Variants in PRDM16 observed in about 807,000 individuals in gnomAD.
PRDM16 encodes the protein histone-lysine N-methyltransferase PRDM16.
Under a neutral mutation model 110.6 loss-of-function variants are expected in PRDM16, and 23 were observed. The ratio of observed to expected loss-of-function variants is 0.21; its 90% CI spans 0.15 to 0.29. The LOEUF (loss-of-function observed/expected upper bound fraction) is 0.29. PRDM16 is among the 10% of genes least tolerant of loss of function. The pLI, the probability that PRDM16 is intolerant of heterozygous loss-of-function variation, is 1.00. For missense variants in PRDM16, 1,615 were observed against 1,794.3 expected (o/e 0.90, Z 1.81); for synonymous variants, 799 against 781.8 (o/e 1.02, Z -0.37).
chr1:3,201,610 C>T lies in PRDM16; in HGVS notation c.387+15136C>T, dbSNP rs556258327. Among the ~76,000 whole-genome samples the T allele has an allele frequency of 5.9e-5, 9 of 152,272 alleles. No individual in the cohort carries two copies. Among genetic ancestry groups the T allele is most frequent in the South Asian group, 2.1e-4 (1 of 4,822 alleles). ...GACTTTTTGCCCCTGAGCATGGCCT[C>T]GGGGGCTGGGAGCCCCGGCTCTGAC... On this transcript the variant is annotated intron_variant, in intron 2 of 16. Coordinates refer to ENST00000270722, the MANE Select transcript of PRDM16 (RefSeq NM_022114.4). This position sits in a 1 kb window ranked among gnomAD's most constrained non-coding sequence, Gnocchi z 4.1.
intron 1 of PRDM16, among the ~76,000 whole-genome samples, chr1:3,114,199 G>GCACGCGCGCA (rs1553127282): frequency 9.1e-6 from 1 of 110,356 alleles, no homozygotes; most frequent in East Asian, 3.4e-4. Context: ...ACACGCACAC[G>GCACGCGCGCA]CACGCACACA....
chr1:3,095,681 A>C (rs1289600394), intron 1 of PRDM16, among the ~76,000 whole-genome samples: 2 of 151,960 alleles, frequency 1.3e-5, no homozygotes, highest in East Asian at 3.9e-4. Flanking sequence ...GCAGCCTCAC[A>C]GTGTGTGCCG....
At chr1:3,159,681 G>C (rs1321178247) in intron 1 of PRDM16, among the ~76,000 whole-genome samples, 1 of 152,216 alleles carries the variant, frequency 6.6e-6, no homozygotes, top group Non-Finnish European at 1.5e-5. Flanking sequence ...CAGTGTGTAG[G>C]AGGAAGAAGT....
chr1:3,181,114 C>CCTTACACACGCAGTCTTACACGCGGT (rs1420035551), intron 1 of PRDM16, among the ~76,000 whole-genome samples: 1 of 76,576 alleles, frequency 1.3e-5, no homozygotes, highest in Admixed American at 1.4e-4. Flanking sequence ...TTACACGCGG[C>CCTTACACACGCAGTCTTACACGCGGT]CTTACACACG....
At chr1:3,304,373 T>C (rs925330961) in intron 3 of PRDM16, among the ~76,000 whole-genome samples, 2 of 152,208 alleles carry the variant, frequency 1.3e-5, no homozygotes, top group African/African-American at 4.8e-5. Context: ...TAGAAGGCAA[T>C]CTTCCAGTCA....
intron 2 of PRDM16, among the ~76,000 whole-genome samples, chr1:3,242,266 C>G (rs1376677451): frequency 6.6e-6 from 1 of 152,226 alleles, no homozygotes; most frequent in Admixed American, 6.5e-5. Flanking sequence ...CAAACAGCAT[C>G]TCACTCCTCG....
At chr1:3,280,418 C>G (rs1020316627) in intron 3 of PRDM16, among the ~76,000 whole-genome samples, 8 of 152,226 alleles carry the variant, frequency 5.3e-5, no homozygotes, top group African/African-American at 1.9e-4. Flanking sequence ...TGTTTGCACA[C>G]AGAGGAAGTG....
At chr1:3,278,837 A>C (rs2100318856) in intron 3 of PRDM16, among the ~76,000 whole-genome samples, 1 of 152,318 alleles carries the variant, frequency 6.6e-6, no homozygotes, top group African/African-American at 2.4e-5. Flanking sequence ...GGGCAGCGGA[A>C]CAAAGCACAA....
At chr1:3,162,898 C>T in intron 1 of PRDM16, among the ~76,000 whole-genome samples, 1 of 137,272 alleles carries the variant, frequency 7.3e-6, no homozygotes, top group African/African-American at 2.9e-5. Flanking sequence ...TGCGCAGAAG[C>T]CCCTGGCATG....
intron 1 of PRDM16, among the ~76,000 whole-genome samples, chr1:3,089,694 G>C (rs1345200915): frequency 6.6e-6 from 1 of 152,238 alleles, no homozygotes; most frequent in Non-Finnish European, 1.5e-5. Flanking sequence ...CTCTGGTCTG[G>C]CATTGTCGAA....
At position 3,190,678 on chromosome 1, in the gene PRDM16, C is replaced by G. The variant is rs144988286; in HGVS notation, c.387+4204C>G. On this transcript the variant is annotated intron_variant, in intron 2 of 16. Transcript: ENST00000270722. This position sits in a 1 kb window ranked among gnomAD's most constrained non-coding sequence, Gnocchi z 5.0. ...ATTCCTGGCCTCCTCCATCTGGACA[C>G]AGCCGGGCTCAGTCTCTTCCCAAAT... 2.2e-3 allele frequency among the ~76,000 whole-genome samples: 340 copies of G among 152,306 alleles called. 1 individual carries two copies. Among genetic ancestry groups the G allele is most frequent in the African/African-American group, 7.8e-3 (326 of 41,576 alleles).
At chr1:3,396,236 T>C (rs186777928) in intron 4 of PRDM16, 4 of 541,840 alleles carry the variant, frequency 7.4e-6, no homozygotes, top group Middle Eastern at 5.6e-4. Flanking sequence ...GGAACTTTCA[T>C]GTGGATCCTA....
intron 3 of PRDM16, among the ~76,000 whole-genome samples, chr1:3,302,508 T>TAA (rs35595493): frequency 0.22 from 32,763 of 151,056 alleles, 3,881 homozygotes; most frequent in East Asian, 0.55. Flanking sequence ...ATCCATTTGT[T>TAA]AAAAAAAAAA....
chr1:3,141,979 C>G (rs576638173), intron 1 of PRDM16, among the ~76,000 whole-genome samples: 1 of 152,268 alleles, frequency 6.6e-6, no homozygotes, highest in Non-Finnish European at 1.5e-5. Flanking sequence ...TGGTGCACCG[C>G]GTTTCCGAAA....
At chr1:3,268,615 T>C (rs781349390) in intron 3 of PRDM16, among the ~76,000 whole-genome samples, 4 of 151,990 alleles carry the variant, frequency 2.6e-5, no homozygotes, top group African/African-American at 4.8e-5. Context: ...AATCCATCAC[T>C]CTCAGCAGAA....
chr1:3,396,204 G>A (rs1643383963), intron 4 of PRDM16: 4 of 498,760 alleles, frequency 8.0e-6, no homozygotes, highest in Non-Finnish European at 7.8e-6. Context: ...GCTCTGCTGT[G>A]CCCCCAGGAC....
chr1:3,363,861 C>T (rs984099492), intron 3 of PRDM16, among the ~76,000 whole-genome samples: 1 of 152,160 alleles, frequency 6.6e-6, no homozygotes, highest in Non-Finnish European at 1.5e-5. Context: ...AACACGGGCC[C>T]GCTGCAGCTC....
At chr1:3,317,660 T>C (rs941795393) in intron 3 of PRDM16, among the ~76,000 whole-genome samples, 5 of 152,102 alleles carry the variant, frequency 3.3e-5, no homozygotes, top group African/African-American at 1.2e-4. Context: ...ACACAACCGC[T>C]CCTGGGAAGC....
At chr1:3,169,637 A>C (rs902772553) in intron 1 of PRDM16, among the ~76,000 whole-genome samples, 2 of 152,192 alleles carry the variant, frequency 1.3e-5, no homozygotes, top group African/African-American at 4.8e-5. Context: ...AGAGGAAAAC[A>C]AACGATTAAA....
Sources: gnomAD v4.1 joint callset for allele counts (sites outside exome capture counted in the v4.1 genomes callset) on GRCh38, gnomAD v4.1.1 for gene constraint, Gnocchi (gnomAD v3.1) non-coding constraint, MANE v1.5 for transcripts, NCBI Gene and HGNC (gene_info 2026-07-23, HGNC 2026-07-21) for gene names.